Variants in ARHGAP17 observed in about 807,000 individuals in gnomAD.
ARHGAP17 encodes the protein rho GTPase-activating protein 17.
ARHGAP17 carries 57 observed loss-of-function variants against 99.5 expected under a neutral mutation model. The ratio of observed to expected loss-of-function variants is 0.57; its 90% CI spans 0.46 to 0.71. ARHGAP17 has a LOEUF of 0.71. Among genes scored for constraint, ARHGAP17 ranks in the 30% least tolerant of loss-of-function variants. The pLI is 0.00. For missense variants in ARHGAP17, 1,000 were observed against 1,122.4 expected (o/e 0.89, Z 1.56); for synonymous variants, 417 against 429.6 (o/e 0.97, Z 0.36).
chr16:24,954,804 C>T, intron 9 of ARHGAP17, 74 bp from the exon 10 acceptor site: 1 of 1,577,572 alleles, frequency 6.3e-7, no homozygotes. Flanking sequence ...CCCCAACTAC[C>T]CAATGGGCTT....
intron 2 of ARHGAP17, among the ~76,000 whole-genome samples, chr16:24,977,968 T>C (rs1172063354): frequency 1.3e-5 from 2 of 152,164 alleles, no homozygotes; most frequent in East Asian, 1.9e-4. Flanking sequence ...ACAGAATACA[T>C]TTGACCCCAA....
intron 1 of ARHGAP17, among the ~76,000 whole-genome samples, chr16:25,005,610 G>C (rs1400167700): frequency 1.3e-5 from 2 of 152,182 alleles, no homozygotes; most frequent in African/African-American, 4.8e-5. Context: ...CCTATCATTT[G>C]ACAGGTTCTC....
At chr16:24,994,233 G>A (rs994356628) in intron 1 of ARHGAP17, among the ~76,000 whole-genome samples, 1 of 152,198 alleles carries the variant, frequency 6.6e-6, no homozygotes, top group South Asian at 2.1e-4. Context: ...AAAGAAAGGA[G>A]TGCCTGATGG....
chr16:24,944,606 ATTTTTTAT>A (rs931571691), intron 14 of ARHGAP17, among the ~76,000 whole-genome samples: 3 of 151,874 alleles, frequency 2.0e-5, no homozygotes, highest in South Asian at 2.1e-4. Context: ...TGTGCCTTTT[ATTTTTTAT>A]TTTTTTATTT....
At chr16:24,952,644 T>TG (rs777712995) in intron 11 of ARHGAP17, among the ~76,000 whole-genome samples, 1 of 152,042 alleles carries the variant, frequency 6.6e-6, no homozygotes, top group African/African-American at 2.4e-5. Context: ...AGGAATTTGG[T>TG]GGGGGGAGAC....
chr16:24,944,921 G>A (rs1168263562), intron 14 of ARHGAP17, among the ~76,000 whole-genome samples: 1 of 151,876 alleles, frequency 6.6e-6, no homozygotes, highest in African/African-American at 2.4e-5. Flanking sequence ...TGGCAAATGT[G>A]CCTTTTATTA....
intron 1 of ARHGAP17, among the ~76,000 whole-genome samples, chr16:25,003,435 G>A (rs541719935): frequency 5.3e-5 from 8 of 152,046 alleles, no homozygotes; most frequent in African/African-American, 1.7e-4. Context: ...GGATTTCGCC[G>A]TGTTGGCCTG....
At position 24,948,015 on chromosome 16, in the gene ARHGAP17, A is replaced by G. The variant is rs77816581; in HGVS notation, c.1128-420T>C. On this transcript the variant is annotated intron_variant, in intron 13 of 19. Coordinates refer to ENST00000289968, the MANE Select transcript of ARHGAP17 (RefSeq NM_001006634.3). ...TATGGTGGAATTATAAAAATATCCA[A>G]TTTATCATATATACCTACCTTATGT... Among the ~76,000 whole-genome samples the G allele has an allele frequency of 1.1e-3, 161 of 152,360 alleles. 2 individuals are homozygous for G. The East Asian group carries it at 0.026, about 25-fold the overall frequency.
chr16:25,006,000 C>G (rs1359836900), intron 1 of ARHGAP17, among the ~76,000 whole-genome samples: 1 of 152,022 alleles, frequency 6.6e-6, no homozygotes, highest in Non-Finnish European at 1.5e-5. Flanking sequence ...CTAGAGAATT[C>G]ATCATGAAAA....
chr16:24,925,056 T>C lies in ARHGAP17; in HGVS notation c.2516-4796A>G, dbSNP rs141697938. Among the ~76,000 whole-genome samples, 38 of 152,034 alleles carry C rather than the reference T, an allele frequency of 2.5e-4. 1 individual carries two copies. The East Asian group carries it at 5.6e-3, about 23-fold the overall frequency. ...TCACCCAAGGATATACACAACTCTTTTGGGAAAGAGGGAAAATGTTAGGGT... is the reference window on the plus strand; with the variant it reads ...TCACCCAAGGATATACACAACTCTTCTGGGAAAGAGGGAAAATGTTAGGGT... On this transcript the variant is annotated intron_variant, in intron 19 of 19. Transcript: ENST00000289968.
intron 19 of ARHGAP17, chr16:24,929,795 T>C (rs1260636721): frequency 2.4e-6 from 1 of 409,394 alleles, no homozygotes; most frequent in South Asian, 1.0e-4. Context: ...AAAAAAGTTA[T>C]CAAAAGCTGT....
intron 19 of ARHGAP17, 198 bp downstream of exon 19, chr16:24,930,586 C>T (rs982593631): frequency 7.3e-6 from 7 of 962,050 alleles, no homozygotes; most frequent in Middle Eastern, 4.2e-4. Context: ...AATGCAGCCA[C>T]AGACAATATG....
rs900515296 is a variant in ARHGAP17 at position 24,947,355 on chromosome 16, T to C, written c.1241+127A>G. ...CTGTGTTCCAAGAATATAGGCTGAATGAGAAAACCAACTTCAGAATACCTT... is the reference window on the plus strand; with the variant it reads ...CTGTGTTCCAAGAATATAGGCTGAACGAGAAAACCAACTTCAGAATACCTT... On this transcript the variant is annotated intron_variant, in intron 14 of 19. Transcript: ENST00000289968. 2.8e-5 allele frequency: 23 copies of C among 833,236 alleles called. No homozygotes were observed. The Admixed American group carries it at 5.2e-4, about 19-fold the overall frequency. The allele number at this position is 833,236 out of a possible 1,614,324, so 51.6% of individuals were successfully genotyped here.
At chr16:24,958,170 C>A (rs922594876) in intron 9 of ARHGAP17, among the ~76,000 whole-genome samples, 1 of 152,006 alleles carries the variant, frequency 6.6e-6, no homozygotes, top group African/African-American at 2.4e-5. Flanking sequence ...GGGAAAATAC[C>A]CTTGGGAAAA....
At chr16:24,994,785 T>C (rs2053147138) in intron 1 of ARHGAP17, among the ~76,000 whole-genome samples, 1 of 152,168 alleles carries the variant, frequency 6.6e-6, no homozygotes, top group African/African-American at 2.4e-5. Flanking sequence ...TCAGGGACCC[T>C]GTTCTTAACC....
In ARHGAP17 at chr16:24,947,517, C is replaced by T. The variant is rs375142523; in HGVS notation, c.1206G>A (p.Val402=). The change falls in exon 14 of 20, where the codon GTG becomes GTA. Residue 402 remains valine, a synonymous_variant. Coordinates refer to ENST00000289968, the MANE Select transcript of ARHGAP17 (RefSeq NM_001006634.3). ...TGGCCCATAACAAGTTAGGGCCTAA[C>T]ACAATCGCAATGTTGCTGGGAGTCA... ...NKMTPSNIAI[V]LGPNLLWARN... 9.2e-5 allele frequency: 148 copies of T among 1,613,656 alleles called. No homozygotes were observed. The highest frequency in any genetic ancestry group is 1.0e-4 in the Non-Finnish European group (122 of 1,180,030).
Position 24,935,550 on chromosome 16 carries a change from T to C in ARHGAP17, c.1814A>G (p.Gln605Arg). 1 of 1,614,024 alleles carries C rather than the reference T, an allele frequency of 6.2e-7. No individual in the cohort carries two copies. Among genetic ancestry groups the C allele is most frequent in the Non-Finnish European group, 8.5e-7 (1 of 1,180,010 alleles). Residue 605 changes from glutamine (Q) to arginine (R), a missense_variant, in exon 18 of 20, where the codon CAG becomes CGG. Around this residue, in one of 2 missense-constraint regions of ARHGAP17, gnomAD observed 528 missense variants for 511.4 expected, o/e 1.03. Transcript: ENST00000289968. ...SQIASGQNQP[Q>R]AAAGSHQLSM... ...GAGCTGGTGGGAGCCAGCAGCTGCC[T>C]GGGGCTGATTTTGGCCAGATGCTAT...
At chr16:24,976,569 G>C (rs1250606148) in intron 3 of ARHGAP17, among the ~76,000 whole-genome samples, 5 of 151,770 alleles carry the variant, frequency 3.3e-5, no homozygotes. Context: ...GAAAGGAAAG[G>C]GGAAAGGGGA....
In ARHGAP17 at chr16:24,935,368, T is replaced by C. The variant is rs981875922; in HGVS notation, c.1894+102A>G. Reference sequence around the variant, plus strand: ...TCTGCTTGGGATTTTACAACAGACATAGAAAAGATCTGGCCACAAACCTCA... The same window carrying C: ...TCTGCTTGGGATTTTACAACAGACACAGAAAAGATCTGGCCACAAACCTCA... On this transcript the variant is annotated intron_variant, in intron 18 of 19. Coordinates refer to ENST00000289968, the MANE Select transcript of ARHGAP17 (RefSeq NM_001006634.3). 3.0e-6 allele frequency: 4 copies of C among 1,325,614 alleles called. No individual in the cohort carries two copies. In the East Asian group the frequency reaches 7.6e-5, roughly 25 times the overall value. 82.1% of individuals were successfully genotyped at this position (1,325,614 alleles called of 1,614,324 possible).
Sources: gnomAD v4.1 joint callset for allele counts (sites outside exome capture counted in the v4.1 genomes callset) on GRCh38, gnomAD v4.1.1 for gene constraint, gnomAD v4.1.1 regional missense constraint, MANE v1.5 for transcripts, NCBI Gene and HGNC (gene_info 2026-07-23, HGNC 2026-07-21) for gene names.